SLC14A2: variants seen among roughly 807,000 people sequenced by gnomAD.
The protein encoded by SLC14A2 is urea transporter 2.
Under a neutral mutation model 104.6 loss-of-function variants are expected in SLC14A2, and 91 were observed. That is an observed-to-expected ratio of 0.87 (90% CI 0.73 to 1.04). The LOEUF (loss-of-function observed/expected upper bound fraction) is 1.04, where lower values mean the gene tolerates loss of function less well. Ranked by LOEUF, SLC14A2 falls within the 50% of genes least tolerant of loss-of-function variation. The pLI is 0.00. For missense variants in SLC14A2, 1,189 were observed against 1,156.0 expected, an observed-to-expected ratio of 1.03 and a Z score of -0.41; for synonymous variants, 476 against 466.4, an observed-to-expected ratio of 1.02 and a Z score of -0.27.
At chr18:45,237,445 T>C (rs1267682735) in intron 1 of SLC14A2, among the ~76,000 whole-genome samples, 1 of 152,150 alleles carries the variant, frequency 6.6e-6, no homozygotes, top group Non-Finnish European at 1.5e-5. Flanking sequence ...CAGCCTTCCT[T>C]TCCAGCCCCT....
intron 1 of SLC14A2, among the ~76,000 whole-genome samples, chr18:45,343,942 G>C (rs1160229555): frequency 6.6e-6 from 1 of 152,186 alleles, no homozygotes; most frequent in Non-Finnish European, 1.5e-5. Flanking sequence ...TGAAACTATA[G>C]TCCCTGGAGG....
intron 2 of SLC14A2, among the ~76,000 whole-genome samples, chr18:45,523,777 T>G (rs2043552033): frequency 6.6e-6 from 1 of 152,160 alleles, no homozygotes; most frequent in African/African-American, 2.4e-5. Context: ...ACTGAGGGCT[T>G]CCTTTAAGGG....
chr18:45,236,736 T>C (rs1216032569), intron 1 of SLC14A2, among the ~76,000 whole-genome samples: 3 of 151,970 alleles, frequency 2.0e-5, no homozygotes, highest in Non-Finnish European at 4.4e-5. Context: ...AGAGTACATA[T>C]CTCTCTTAAA....
intron 1 of SLC14A2, among the ~76,000 whole-genome samples, chr18:45,403,467 T>C (rs938030771): frequency 4.6e-5 from 7 of 152,188 alleles, no homozygotes; most frequent in African/African-American, 1.4e-4. Context: ...TGGTGCTCCA[T>C]CGCTGTGGGC....
intron 1 of SLC14A2, among the ~76,000 whole-genome samples, chr18:45,351,560 G>T (rs1404738705): frequency 6.6e-6 from 1 of 152,006 alleles, no homozygotes; most frequent in Non-Finnish European, 1.5e-5. Flanking sequence ...TCACTATGTT[G>T]CCCAGGCTGG....
chr18:45,177,270 T>C, the SLC14A2 span, among the ~76,000 whole-genome samples: 1 of 152,126 alleles, frequency 6.6e-6, no homozygotes, highest in Non-Finnish European at 1.5e-5. Context: ...GTGTCCGTGG[T>C]TGACACCCTA....
At chr18:45,549,898 A>G (rs2044032414) in intron 2 of SLC14A2, 1 of 152,194 alleles carries the variant, frequency 6.6e-6, no homozygotes. Flanking sequence ...GGAGTTTTAA[A>G]AATTGACCAA....
At chr18:45,554,301 G>A (rs2044098767) in intron 2 of SLC14A2, among the ~76,000 whole-genome samples, 1 of 152,192 alleles carries the variant, frequency 6.6e-6, no homozygotes, top group Non-Finnish European at 1.5e-5. Context: ...TTGGGGGGAA[G>A]AAGGGGGAAA....
chr18:45,636,204 G>A (rs999697755), intron 5 of SLC14A2, among the ~76,000 whole-genome samples: 1 of 152,182 alleles, frequency 6.6e-6, no homozygotes, highest in Non-Finnish European at 1.5e-5. Context: ...TTCATTAAAA[G>A]CAGACAATTT....
At chr18:45,665,112 C>T (rs1043258644) in intron 11 of SLC14A2, among the ~76,000 whole-genome samples, 3 of 152,168 alleles carry the variant, frequency 2.0e-5, no homozygotes, top group Admixed American at 2.0e-4. Flanking sequence ...ATGGTGTCAC[C>T]TCCCAAACAC....
intron 2 of SLC14A2, 86 bp downstream of exon 2, chr18:45,624,900 A>G: frequency 7.2e-7 from 1 of 1,386,794 alleles, no homozygotes; most frequent in South Asian, 1.3e-5. Flanking sequence ...CCACCTTCCC[A>G]GTGAACTTAG....
chr18:45,668,421 C>A lies in SLC14A2; in HGVS notation c.1980C>A (p.Asp660Glu). 6.2e-7 allele frequency: 1 copy of A among 1,614,160 alleles called. No homozygotes were observed. Among genetic ancestry groups the A allele is most frequent in the Non-Finnish European group, 8.5e-7 (1 of 1,180,028 alleles). Residue 660 changes from aspartate to glutamate, a missense_variant, in exon 15 of 20, where the codon GAC (aspartate) becomes GAA (glutamate). Physicochemically the swap from Asp to Glu is conservative, Grantham distance 45. Coordinates refer to ENST00000255226, the MANE Select transcript of SLC14A2 (RefSeq NM_007163.4). ...GGCTGCTGATGGCCGTGTTCTCAGACAAAGGTGACTACTACTGGTGGCTGT... is the reference window on the plus strand; with the variant it reads ...GGCTGCTGATGGCCGTGTTCTCAGAAAAAGGTGACTACTACTGGTGGCTGT... ...LVGLLMAVFS[D>E]KGDYYWWLLL...
chr18:45,570,172 C>T (rs142472256), intron 2 of SLC14A2, among the ~76,000 whole-genome samples: 5 of 152,284 alleles, frequency 3.3e-5, no homozygotes, highest in African/African-American at 1.2e-4. Flanking sequence ...GGATGAAGAA[C>T]ACAGCCCTCT....
chr18:45,421,186 C>T lies in SLC14A2; in HGVS notation c.-124-62047C>T, dbSNP rs563622174. On this transcript the variant is annotated intron_variant, in intron 1 of 20. Transcript: ENST00000586448. ...TAAAATGTATTTTATGAGCTATCTA[C>T]GTGCAGAATTTTATTATTTTTAACT... 1.6e-4 allele frequency among the ~76,000 whole-genome samples: 25 copies of T among 151,900 alleles called. 2 individuals carry two copies. The South Asian group carries it at 5.2e-3, about 32-fold the overall frequency.
rs1165690378 is a variant in SLC14A2, at chr18:45,483,295, C to T, written c.-62C>T. 4 of 152,126 alleles carry T rather than the reference C, an allele frequency of 2.6e-5. No individual in the cohort carries two copies. In the East Asian group the frequency reaches 5.8e-4, roughly 22 times the overall value. 9.4% of individuals were successfully genotyped at this position (152,126 alleles called of 1,614,324 possible). On this transcript the variant is annotated 5_prime_UTR_variant, in exon 2 of 21. Transcript: ENST00000586448. ...GAGATTCATAAGACCTTTATAGAAC[C>T]ACTGACAACACTGTGACCAAGGAAA...
chr18:45,457,407 A>G (rs1365093887), intron 1 of SLC14A2, among the ~76,000 whole-genome samples: 1 of 152,132 alleles, frequency 6.6e-6, no homozygotes, highest in Admixed American at 6.5e-5. Flanking sequence ...AACTGCATAT[A>G]TGTGCAGAGG....
intron 2 of SLC14A2, among the ~76,000 whole-genome samples, chr18:45,484,320 C>T (rs1195727953): frequency 6.6e-6 from 1 of 152,196 alleles, no homozygotes; most frequent in African/African-American, 2.4e-5. Flanking sequence ...TGGGCCTCTC[C>T]TTGATGAAAG....
intron 2 of SLC14A2, among the ~76,000 whole-genome samples, chr18:45,606,095 T>C (rs779120354): frequency 4.6e-5 from 7 of 152,118 alleles, no homozygotes; most frequent in Admixed American, 6.6e-5. Flanking sequence ...AAGTATCAAG[T>C]TGGGGGAAGG....
rs11315024 is a variant in SLC14A2, at chr18:45,405,897, G to GAA, written c.-124-77319_-124-77318dup. ...CTGTGCGACAGGGAGACTCCATCTCGAAAAAAAAAAAAAAAAAATGCTAAC... is the reference window on the plus strand; with the variant it reads ...CTGTGCGACAGGGAGACTCCATCTCGAAAAAAAAAAAAAAAAAAAATGCTAAC... On this transcript the variant is annotated intron_variant, in intron 1 of 20. Coordinates refer to the SLC14A2 transcript ENST00000586448. Among the ~76,000 whole-genome samples the GAA allele has an allele frequency of 2.2e-3, 283 of 129,170 alleles. 3 individuals carry two copies. Among genetic ancestry groups the GAA allele is most frequent in the Non-Finnish European group, 3.0e-3 (183 of 60,960 alleles). The allele number at this position is 129,170 out of a possible 152,430, so 84.7% of individuals were successfully genotyped here.
Sources: gnomAD v4.1 joint callset for allele counts (sites outside exome capture counted in the v4.1 genomes callset) on GRCh38, gnomAD v4.1.1 for gene constraint, MANE v1.5 for transcripts, NCBI Gene and HGNC (gene_info 2026-07-23, HGNC 2026-07-21) for gene names.